The following EPHA6 variants were observed in gnomAD, a reference collection of about 807,000 sequenced individuals.
EPHA6 encodes the protein ephrin type-A receptor 6.
Under a neutral mutation model 112.0 loss-of-function variants are expected in EPHA6, and 50 were observed. The observed-to-expected ratio is 0.45, with a 90% CI of 0.36 to 0.56. The LOEUF is 0.56. Among genes scored for constraint, EPHA6 ranks in the 20% least tolerant of loss-of-function variants. The pLI, the probability that EPHA6 is intolerant of heterozygous loss-of-function variation, is 0.00. For synonymous variants in EPHA6, 529 were observed against 490.7 expected (o/e 1.08, Z -1.03); for missense variants, 1,280 against 1,417.4 (o/e 0.90, Z 1.56).
At chr3:97,079,901 T>G (rs1453681784) in intron 3 of EPHA6, among the ~76,000 whole-genome samples, 1 of 110,154 alleles carries the variant, frequency 9.1e-6, no homozygotes, top group African/African-American at 8.1e-5. Flanking sequence ...GATTGTTAGG[T>G]TTTTTTTTTT....
chr3:97,700,565 T>A (rs564989309), intron 14 of EPHA6, among the ~76,000 whole-genome samples: 14 of 152,206 alleles, frequency 9.2e-5, no homozygotes, highest in Admixed American at 1.3e-4. Flanking sequence ...AATATTTGTG[T>A]AACTTTTAGG....
chr3:96,860,549 C>CA (rs896111071), intron 1 of EPHA6, among the ~76,000 whole-genome samples: 30 of 151,886 alleles, frequency 2.0e-4, no homozygotes, highest in African/African-American at 6.8e-4. Context: ...TAATATTCTT[C>CA]AAAAAATTGG....
At chr3:97,415,265 T>G (rs1184558397) in intron 6 of EPHA6, among the ~76,000 whole-genome samples, 1 of 152,098 alleles carries the variant, frequency 6.6e-6, no homozygotes, top group African/African-American at 2.4e-5. Context: ...TGTTTTTAAC[T>G]TGCCACATTC....
intron 3 of EPHA6, among the ~76,000 whole-genome samples, chr3:97,159,623 A>G (rs2076367551): frequency 1.3e-5 from 2 of 152,068 alleles, no homozygotes; most frequent in South Asian, 4.1e-4. Flanking sequence ...AGATATTGCT[A>G]CCTTACTGGC....
rs190083894 is a variant in EPHA6 at position 97,446,110 on chromosome 3, C to T, written c.1732-2458C>T. ...GGCCAAAATTCTGGGACGATAGTGT[C>T]CTACCTATGCATATCATAGACAAAA... On this transcript the variant is annotated intron_variant, in intron 6 of 17. Transcript: ENST00000389672. Among the ~76,000 whole-genome samples the T allele has an allele frequency of 2.9e-3, 438 of 152,286 alleles. 1 individual carries two copies. Among genetic ancestry groups the T allele is most frequent in the African/African-American group, 3.7e-3 (154 of 41,568 alleles).
chr3:97,521,403 C>T (rs887800234), intron 10 of EPHA6, among the ~76,000 whole-genome samples: 4 of 152,002 alleles, frequency 2.6e-5, no homozygotes, highest in African/African-American at 9.7e-5. Context: ...TTAATTGACT[C>T]ATAGTTCAGC....
rs960635270 is a variant in EPHA6, at chr3:97,070,384, T to A, written c.1114+82391T>A. ...TTATAAAAATATTTGTTTAGTTGGC[T>A]AAATGAATTAACATATGCAGATTTT... On this transcript the variant is annotated intron_variant, in intron 3 of 17. Coordinates refer to ENST00000389672, the MANE Select transcript of EPHA6 (RefSeq NM_001080448.3). Among the ~76,000 whole-genome samples, 47 of 152,244 alleles carry A rather than the reference T, an allele frequency of 3.1e-4. 1 individual carries two copies. Among genetic ancestry groups the A allele is most frequent in the African/African-American group, 8.9e-4 (37 of 41,562 alleles).
intron 3 of EPHA6, among the ~76,000 whole-genome samples, chr3:97,037,699 G>A (rs2045156425): frequency 6.6e-6 from 1 of 152,004 alleles, no homozygotes; most frequent in Admixed American, 6.6e-5. Context: ...AAGAAAGGAA[G>A]CAGGAAACAA....
rs560029188 is a variant in EPHA6 at position 97,413,783 on chromosome 3, G to A, written c.1731+8509G>A. ...GGCACCTAATTTACTATCCCCAAAT[G>A]ATGAAGGACTAAATACCTAAATACC... On this transcript the variant is annotated intron_variant, in intron 6 of 17. Coordinates refer to ENST00000389672, the MANE Select transcript of EPHA6 (RefSeq NM_001080448.3). Among the ~76,000 whole-genome samples, 7 of 151,992 alleles carry A rather than the reference G, an allele frequency of 4.6e-5. No individual in the cohort carries two copies. In the South Asian group the frequency reaches 1.2e-3, roughly 27 times the overall value.
At chr3:97,651,604 T>C (rs191630782) in intron 14 of EPHA6, among the ~76,000 whole-genome samples, 1 of 152,168 alleles carries the variant, frequency 6.6e-6, no homozygotes, top group East Asian at 1.9e-4. Flanking sequence ...GTTTGATGAT[T>C]AAGAATCTCA....
rs2107455378 is a variant in EPHA6 at position 96,866,860 on chromosome 3, C to A, written c.421C>A (p.Leu141Ile). The A allele has an allele frequency of 6.7e-7, 1 of 1,488,506 alleles. No individual in the cohort carries two copies. The highest frequency in any genetic ancestry group is 2.7e-5 in the East Asian group (1 of 37,260). 92.2% of individuals were successfully genotyped at this position (1,488,506 alleles called of 1,614,324 possible). ...LLDTTTVLGE[L>I]GWKTYPLNGW... Reference sequence around the variant, plus strand: ...TGATACAACAACTGTACTGGGAGAGCTAGGATGGAAAACATATCCATTAAA... The same window carrying A: ...TGATACAACAACTGTACTGGGAGAGATAGGATGGAAAACATATCCATTAAA... Residue 141 changes from leucine (L) to isoleucine (I), a missense_variant, in exon 2 of 18, where the codon CTA (leucine) becomes ATA (isoleucine). Physicochemically the swap from Leu to Ile is conservative, Grantham distance 5. Around this residue, in one of 4 missense-constraint regions of EPHA6, gnomAD observed 878 missense variants for 999.7 expected, o/e 0.88. Coordinates refer to ENST00000389672, the MANE Select transcript of EPHA6 (RefSeq NM_001080448.3).
chr3:97,055,845 A>C (rs915813648), intron 3 of EPHA6, among the ~76,000 whole-genome samples: 3 of 152,140 alleles, frequency 2.0e-5, no homozygotes, highest in African/African-American at 7.2e-5. Flanking sequence ...GTACCTAAAA[A>C]ATATAGCAAA....
At chr3:96,844,815 A>G (rs895033607) in intron 1 of EPHA6, among the ~76,000 whole-genome samples, 1 of 152,008 alleles carries the variant, frequency 6.6e-6, no homozygotes, top group African/African-American at 2.4e-5. Flanking sequence ...AGATGTCAAG[A>G]AGGGAAATAC....
At chr3:97,324,719 T>C (rs2108797442) in intron 5 of EPHA6, among the ~76,000 whole-genome samples, 1 of 151,972 alleles carries the variant, frequency 6.6e-6, no homozygotes, top group African/African-American at 2.4e-5. Context: ...TTGCATTTTT[T>C]AGTAGAGATG....
intron 3 of EPHA6, among the ~76,000 whole-genome samples, chr3:97,221,017 A>G (rs1298867174): frequency 6.6e-6 from 1 of 152,106 alleles, no homozygotes; most frequent in African/African-American, 2.4e-5. Context: ...AAAAGTAGAA[A>G]TTAAAAAGGT....
At chr3:97,243,363 T>A (rs959512271) in intron 4 of EPHA6, among the ~76,000 whole-genome samples, 5 of 151,790 alleles carry the variant, frequency 3.3e-5, no homozygotes, top group Non-Finnish European at 7.4e-5. Flanking sequence ...TAATAAAAGG[T>A]TTTTTGTTGC....
chr3:97,250,187 G>T (rs1334819183), intron 5 of EPHA6, among the ~76,000 whole-genome samples: 1 of 152,156 alleles, frequency 6.6e-6, no homozygotes, highest in Non-Finnish European at 1.5e-5. Context: ...AGTATTAATG[G>T]CATATTTATT....
At chr3:97,719,079 GCCCCCCCCA>G (rs2034386935) in intron 14 of EPHA6, among the ~76,000 whole-genome samples, 1 of 41,116 alleles carries the variant, frequency 2.4e-5, no homozygotes, top group African/African-American at 6.3e-5. Flanking sequence ...ATCCGTTCCC[GCCCCCCCCA>G]CCCCCCCCCC....
chr3:97,513,061 A>G (rs929912827), intron 10 of EPHA6, among the ~76,000 whole-genome samples: 2 of 152,182 alleles, frequency 1.3e-5, no homozygotes, highest in Non-Finnish European at 2.9e-5. Context: ...CATATTTCCA[A>G]TCAATCCATA....
Sources: gnomAD v4.1 joint callset for allele counts (sites outside exome capture counted in the v4.1 genomes callset) on GRCh38, gnomAD v4.1.1 for gene constraint, gnomAD v4.1.1 regional missense constraint, MANE v1.5 for transcripts, NCBI Gene and HGNC (gene_info 2026-07-23, HGNC 2026-07-21) for gene names.